PSD2: variants seen among roughly 807,000 people sequenced by gnomAD.
The protein encoded by PSD2 is pleckstrin and Sec7 domain containing 2.
In PSD2, 38 loss-of-function variants were observed where a neutral mutation model predicts 69.8. The ratio of observed to expected loss-of-function variants is 0.54; its 90% confidence interval spans 0.42 to 0.71. The LOEUF (loss-of-function observed/expected upper bound fraction) is 0.71, where lower values mean the gene tolerates loss of function less well. Among genes scored for constraint, PSD2 ranks in the 30% least tolerant of loss-of-function variants. PSD2 has a pLI of 0.00. For missense variants in PSD2, 943 were observed against 1,014.5 expected (o/e 0.93, Z 0.96); for synonymous variants, 412 against 423.0 (o/e 0.97, Z 0.32).
chr5:139,767,298 C>T, the PSD2 span, among the ~76,000 whole-genome samples: 2 of 150,612 alleles, frequency 1.3e-5, no homozygotes, highest in African/African-American at 4.9e-5. Flanking sequence ...CAGCCACCAT[C>T]TTTCTTTCTT....
At chr5:139,792,414 A>G (rs201572658), upstream of PSD2, among the ~76,000 whole-genome samples, 6 of 152,050 alleles carry the variant, frequency 3.9e-5, no homozygotes, top group East Asian at 1.2e-3. Flanking sequence ...ACCATGCCCA[A>G]TGCAGCTGGC....
chr5:139,761,808 A>G, the PSD2 span, among the ~76,000 whole-genome samples: 1 of 152,036 alleles, frequency 6.6e-6, no homozygotes, highest in Non-Finnish European at 1.5e-5. Context: ...ACTTTGTGAT[A>G]TATGTTTTGG....
upstream of PSD2, among the ~76,000 whole-genome samples, chr5:139,793,660 A>C (rs537866470): frequency 6.6e-6 from 1 of 152,272 alleles, no homozygotes; most frequent in South Asian, 2.1e-4. Context: ...AGCCATGCTG[A>C]GTGTTAGGTG....
At chr5:139,825,069 T>C (rs1368056974) in intron 7 of PSD2, among the ~76,000 whole-genome samples, 2 of 152,208 alleles carry the variant, frequency 1.3e-5, no homozygotes, top group East Asian at 3.9e-4. Context: ...ACAACAACCC[T>C]GCTTTTGTGT....
chr5:139,774,385 G>A, the PSD2 span, among the ~76,000 whole-genome samples: 1 of 152,170 alleles, frequency 6.6e-6, no homozygotes, highest in Middle Eastern at 3.2e-3. Context: ...GCGTATTTTT[G>A]CTGGAAAATA....
At chr5:139,806,739 C>T (rs943959253) in intron 1 of PSD2, among the ~76,000 whole-genome samples, 3 of 152,186 alleles carry the variant, frequency 2.0e-5, no homozygotes, top group Admixed American at 1.3e-4. Context: ...TGTGGGGCAT[C>T]GTTTTACACC....
At chr5:139,762,390 T>G in the PSD2 span, among the ~76,000 whole-genome samples, 1 of 152,186 alleles carries the variant, frequency 6.6e-6, no homozygotes, top group Non-Finnish European at 1.5e-5. Context: ...TTGCCCAGGC[T>G]GGAGTGCAGT....
At position 139,836,991 on chromosome 5, in the gene PSD2, T is replaced by A; in HGVS notation, c.1584T>A (p.Asp528Glu). The A allele has an allele frequency of 6.2e-7, 1 of 1,611,834 alleles. No homozygotes were observed. Among genetic ancestry groups the A allele is most frequent in the Non-Finnish European group, 8.5e-7 (1 of 1,178,678 alleles). The change falls in exon 10 of 15, where the codon GAT becomes GAA. Residue 528 changes from aspartate to glutamate, a missense_variant. Asp to Glu is a conservative substitution (Grantham distance 45). Around this residue, in one of 3 missense-constraint regions of PSD2, gnomAD observed 312 missense variants for 400.7 expected, o/e 0.78. Transcript: ENST00000274710. ...CCCGGAAGACTCACGCTGACATGGA[T>A]GGCAAGAGGAGTGGGTGTCAGGCTG... is the stretch of plus-strand genomic sequence containing the variant. ...VLTRKTHADMDGKRTPRGRRG... is the reference protein window; with the variant it reads ...VLTRKTHADMEGKRTPRGRRG...
chr5:139,831,233 G>C (rs997739693), intron 7 of PSD2, among the ~76,000 whole-genome samples: 1 of 152,066 alleles, frequency 6.6e-6, no homozygotes, highest in Non-Finnish European at 1.5e-5. Flanking sequence ...TCAGACATTA[G>C]TGTAGCTATA....
intron 6 of PSD2, among the ~76,000 whole-genome samples, chr5:139,822,282 G>A (rs1425851781): frequency 1.3e-5 from 2 of 152,238 alleles, no homozygotes; most frequent in African/African-American, 4.8e-5. Flanking sequence ...CTTCTCTGGG[G>A]TCCCTGTCAT....
At chr5:139,765,188 A>G in the PSD2 span, among the ~76,000 whole-genome samples, 1 of 151,694 alleles carries the variant, frequency 6.6e-6, no homozygotes, top group Non-Finnish European at 1.5e-5. Flanking sequence ...TCTGCTCGCT[A>G]TCTTCACACT....
At chr5:139,794,929 C>T (rs1759481265), upstream of PSD2, among the ~76,000 whole-genome samples, 1 of 152,136 alleles carries the variant, frequency 6.6e-6, no homozygotes, top group African/African-American at 2.4e-5. Flanking sequence ...AGTTAGAGTC[C>T]TGGGCTGAGG....
intron 7 of PSD2, among the ~76,000 whole-genome samples, chr5:139,830,549 CCTTCCTTCCTTCCTTCCTTT>C (rs1194163213): frequency 7.5e-6 from 1 of 132,968 alleles, no homozygotes; most frequent in Non-Finnish European, 1.6e-5. Context: ...TTCCTTCCTT[CCTTCCTTCCTTCCTTCCTTT>C]CTTTCTTTCT....
At chr5:139,835,272 C>T (rs1760689250) in intron 8 of PSD2, among the ~76,000 whole-genome samples, 1 of 152,024 alleles carries the variant, frequency 6.6e-6, no homozygotes, top group African/African-American at 2.4e-5. Context: ...TCTACCCACC[C>T]ATCTTCTATT....
the PSD2 span, among the ~76,000 whole-genome samples, chr5:139,786,886 C>A: frequency 6.6e-6 from 1 of 152,126 alleles, no homozygotes; most frequent in Non-Finnish European, 1.5e-5. Context: ...GGAGAAAGAT[C>A]ACATTTGAAA....
chr5:139,758,250 G>GAGC, the PSD2 span, among the ~76,000 whole-genome samples: 1 of 152,078 alleles, frequency 6.6e-6, no homozygotes, highest in Admixed American at 6.5e-5. Context: ...GTGGGCCTGG[G>GAGC]AGCACCCTTT....
chr5:139,802,870 C>A (rs572477841), intron 1 of PSD2, among the ~76,000 whole-genome samples: 7 of 152,274 alleles, frequency 4.6e-5, no homozygotes, highest in African/African-American at 1.7e-4. Flanking sequence ...CCAAGGGCCC[C>A]TGAGAATCCC....
At chr5:139,833,830 C>T (rs1760650807) in intron 8 of PSD2, 39 bp downstream of exon 8, 8 of 1,450,612 alleles carry the variant, frequency 5.5e-6, no homozygotes, top group Non-Finnish European at 7.8e-6. Flanking sequence ...CTAGCTGTGC[C>T]CTGAATGGAT....
At chr5:139,795,022 C>A (rs937796679), upstream of PSD2, among the ~76,000 whole-genome samples, 1 of 152,132 alleles carries the variant, frequency 6.6e-6, no homozygotes, top group Non-Finnish European at 1.5e-5. This position sits in a 1 kb window ranked among gnomAD's most constrained non-coding sequence, Gnocchi z 4.5. Context: ...CTGCCCAGGG[C>A]ACCCTCTGTC....
Sources: allele counts gnomAD v4.1 joint callset (sites outside exome capture counted in the v4.1 genomes callset), GRCh38; gene constraint gnomAD v4.1.1; regional missense constraint gnomAD v4.1.1; non-coding constraint Gnocchi (gnomAD v3.1); transcripts MANE v1.5; gene names NCBI Gene and HGNC (gene_info 2026-07-23, HGNC 2026-07-21).